The following KRCC1 variants were observed in gnomAD, a reference collection of about 807,000 sequenced individuals.
KRCC1 encodes lysine-rich coiled-coil protein 1.
Under a neutral mutation model 7.4 loss-of-function variants are expected in KRCC1, and 3 were observed. The observed-to-expected ratio is 0.40, with a 90% CI of 0.18 to 1.04. KRCC1 has a LOEUF of 1.04. KRCC1 is among the 50% of genes least tolerant of loss of function. KRCC1 has a pLI of 0.33. For synonymous variants in KRCC1, 102 were observed against 101.6 expected (o/e 1.00, Z -0.02); for missense variants, 277 against 300.9 (o/e 0.92, Z 0.59).
chr2:88,038,308 T>C (rs768881538), intron 1 of KRCC1, among the ~76,000 whole-genome samples: 3 of 152,186 alleles, frequency 2.0e-5, no homozygotes, highest in Non-Finnish European at 2.9e-5. Flanking sequence ...CTAATGATAT[T>C]TGCTGGGAGG....
chr2:88,035,945 T>TA (rs901848407), intron 2 of KRCC1, among the ~76,000 whole-genome samples: 41 of 152,264 alleles, frequency 2.7e-4, no homozygotes, highest in African/African-American at 8.9e-4. Flanking sequence ...TAAACATACT[T>TA]AGAGAGGTCA....
At chr2:88,048,993 T>C (rs1014853959) in intron 1 of KRCC1, among the ~76,000 whole-genome samples, 4 of 152,218 alleles carry the variant, frequency 2.6e-5, no homozygotes, top group African/African-American at 4.8e-5. Context: ...TTTGCTATAA[T>C]ATAATGCTCA....
At chr2:88,043,498 T>C (rs1481509433) in intron 1 of KRCC1, among the ~76,000 whole-genome samples, 1 of 152,236 alleles carries the variant, frequency 6.6e-6, no homozygotes, top group African/African-American at 2.4e-5. Flanking sequence ...TTAGTAATCT[T>C]TCATAAAAGA....
chr2:88,034,033 C>T (rs907755679), intron 3 of KRCC1, 101 bp downstream of exon 3: 55 of 152,660 alleles, frequency 3.6e-4, no homozygotes, highest in African/African-American at 1.1e-3. Flanking sequence ...TGCTACAACA[C>T]AAATGAAGCT....
intron 1 of KRCC1, among the ~76,000 whole-genome samples, chr2:88,043,750 A>G (rs1012979190): frequency 1.3e-4 from 20 of 152,140 alleles, no homozygotes; most frequent in African/African-American, 4.8e-4. Flanking sequence ...GCGCACTGCA[A>G]TCTCTGCCTC....
At position 88,038,018 on chromosome 2, in the gene KRCC1, G is replaced by A. The variant is rs561449333; in HGVS notation, c.-290-967C>T. On this transcript the variant is annotated intron_variant, in intron 1 of 3. Transcript: ENST00000347055. ...ACATCAAAATTGTACTTTCTACACG[G>A]CAGTTTAAATGGATGAGTTAGAATC... is the stretch of plus-strand genomic sequence containing the variant. Among the ~76,000 whole-genome samples the A allele has an allele frequency of 5.9e-5, 9 of 152,246 alleles. No individual in the cohort carries two copies. In the South Asian group the frequency reaches 1.9e-3, roughly 32 times the overall value.
intron 1 of KRCC1, among the ~76,000 whole-genome samples, chr2:88,054,774 C>A (rs1673575445): frequency 6.6e-6 from 1 of 152,220 alleles, no homozygotes; most frequent in African/African-American, 2.4e-5. Context: ...AACGCTTTAA[C>A]GTCCAGCTTC....
At chr2:88,033,079 G>T (rs1673025753) in intron 3 of KRCC1, among the ~76,000 whole-genome samples, 1 of 152,150 alleles carries the variant, frequency 6.6e-6, no homozygotes, top group African/African-American at 2.4e-5. Context: ...TTCTAAAGGG[G>T]CATTTTTTGG....
rs921744305 is a variant in KRCC1, at chr2:88,027,433, C to T, written c.*351G>A. 62 of 181,752 alleles carry T rather than the reference C, an allele frequency of 3.4e-4. No individual in the cohort carries two copies. The highest frequency in any genetic ancestry group is 1.4e-3 in the African/African-American group (59 of 42,686). 11.3% of individuals were successfully genotyped at this position (181,752 alleles called of 1,614,324 possible). On this transcript the variant is annotated 3_prime_UTR_variant, in exon 4 of 4. Transcript: ENST00000347055. ...ATACCCAACTCAAAACTATAACAAA[C>T]CCAATCAAGAAACAGATTGTGCAAA...
intron 2 of KRCC1, among the ~76,000 whole-genome samples, chr2:88,035,144 A>G (rs577140251): frequency 6.6e-6 from 1 of 152,344 alleles, no homozygotes; most frequent in Admixed American, 6.5e-5. Flanking sequence ...AAATCAAAGT[A>G]TCAGCTTCAG....
intron 1 of KRCC1, among the ~76,000 whole-genome samples, chr2:88,043,302 C>T (rs1428225472): frequency 1.3e-5 from 2 of 152,174 alleles, no homozygotes; most frequent in African/African-American, 4.8e-5. Flanking sequence ...CTTAACAACT[C>T]ATGAACTTCT....
intron 1 of KRCC1, among the ~76,000 whole-genome samples, chr2:88,038,043 C>A (rs1673128325): frequency 6.6e-6 from 1 of 152,130 alleles, no homozygotes; most frequent in Non-Finnish European, 1.5e-5. Flanking sequence ...GAGTTAGAAT[C>A]ATATGTAATG....
intron 1 of KRCC1, among the ~76,000 whole-genome samples, chr2:88,049,174 T>A (rs1475244204): frequency 1.3e-5 from 2 of 152,166 alleles, no homozygotes; most frequent in Non-Finnish European, 2.9e-5. Context: ...TGGGAGTACA[T>A]GTTTAGTATC....
intron 3 of KRCC1, among the ~76,000 whole-genome samples, chr2:88,030,303 AT>A (rs1175151226): frequency 6.7e-6 from 1 of 150,292 alleles, no homozygotes; most frequent in Admixed American, 6.6e-5. Context: ...CTCCCTCCTA[AT>A]TTTTTGAGAC....
At chr2:88,043,905 C>T (rs1673271099) in intron 1 of KRCC1, among the ~76,000 whole-genome samples, 1 of 152,082 alleles carries the variant, frequency 6.6e-6, no homozygotes. Context: ...CAACTCCTGA[C>T]CTCAGGTGAT....
chr2:88,034,316 A>G (rs925919149), intron 2 of KRCC1, 24 bp from the exon 3 acceptor site: 1 of 152,566 alleles, frequency 6.6e-6, no homozygotes, highest in Non-Finnish European at 1.5e-5. Context: ...CAATCTTGTT[A>G]CAAAGATTAA....
intron 3 of KRCC1, 79 bp from the exon 4 acceptor site, chr2:88,028,664 T>TTTTC (rs60603649): frequency 2.4e-5 from 18 of 737,380 alleles, no homozygotes; most frequent in Non-Finnish European, 3.6e-5. Flanking sequence ...TTTTTTTTTT[T>TTTTC]CTTGAGATGG....
intron 3 of KRCC1, among the ~76,000 whole-genome samples, chr2:88,029,852 A>ATTT (rs1237889653): frequency 0.02 from 546 of 27,184 alleles, 1 homozygote; most frequent in Middle Eastern, 0.14. Context: ...ATATATATAT[A>ATTT]TATTTTTTTT....
chr2:88,045,828 C>A (rs1283339451), intron 1 of KRCC1, among the ~76,000 whole-genome samples: 2 of 151,950 alleles, frequency 1.3e-5, no homozygotes, highest in Non-Finnish European at 2.9e-5. Context: ...GGATTACAGG[C>A]ATGAGACATC....
Sources: gnomAD v4.1 joint callset for allele counts (sites outside exome capture counted in the v4.1 genomes callset) on GRCh38, gnomAD v4.1.1 for gene constraint, MANE v1.5 for transcripts, NCBI Gene and HGNC (gene_info 2026-07-23, HGNC 2026-07-21) for gene names.